The following MMS22L variants were observed in gnomAD, a reference collection of about 807,000 sequenced individuals.
MMS22L encodes the protein MMS22 like, DNA repair protein.
In MMS22L, 74 loss-of-function variants were observed where a neutral mutation model predicts 159.1. The observed-to-expected ratio is 0.47, with a 90% CI of 0.39 to 0.56. The LOEUF (loss-of-function observed/expected upper bound fraction) is 0.56. Ranked by LOEUF, MMS22L falls within the 20% of genes least tolerant of loss-of-function variation. MMS22L has a pLI of 0.00. For synonymous variants in MMS22L, 517 were observed against 506.9 expected, an observed-to-expected ratio of 1.02 and a Z score of -0.27; for missense variants, 1,351 against 1,422.1, an observed-to-expected ratio of 0.95 and a Z score of 0.80.
At position 97,142,637 on chromosome 6, in the gene MMS22L, C is replaced by T. The variant is rs1369526805; in HGVS notation, c.*4169G>A. 6.6e-6 allele frequency: 1 copy of T among 151,934 alleles called. No individual in the cohort carries two copies. Among genetic ancestry groups the T allele is most frequent in the African/African-American group, 2.4e-5 (1 of 41,394 alleles). The allele number at this position is 151,934 out of a possible 1,614,324, so 9.4% of individuals were successfully genotyped here. A position where few individuals can be genotyped will look rare whatever the true frequency, so the allele number is the denominator to read the frequency against. On this transcript the variant is annotated 3_prime_UTR_variant, in exon 25 of 25. Coordinates refer to ENST00000683635, the MANE Select transcript of MMS22L (RefSeq NM_001350599.2). Reference sequence around the variant, plus strand: ...TGGTGAGGTTTCTGTATCTATTTACCTTTTAGACATGGGGAGACATGAGTG... The same window carrying T: ...TGGTGAGGTTTCTGTATCTATTTACTTTTTAGACATGGGGAGACATGAGTG...
intron 15 of MMS22L, among the ~76,000 whole-genome samples, chr6:97,186,047 G>A (rs920958443): frequency 2.0e-5 from 3 of 151,956 alleles, no homozygotes; most frequent in Non-Finnish European, 4.4e-5. Context: ...GAATCTAGTA[G>A]AAGTCAGAAC....
upstream of MMS22L, among the ~76,000 whole-genome samples, chr6:97,283,777 C>T (rs1207298695): frequency 2.6e-5 from 4 of 152,166 alleles, no homozygotes; most frequent in Non-Finnish European, 4.4e-5. Context: ...GAAACATTCA[C>T]TAAGCGATAC....
At chr6:97,228,167 A>G (rs1046970311) in intron 14 of MMS22L, among the ~76,000 whole-genome samples, 3 of 152,202 alleles carry the variant, frequency 2.0e-5, no homozygotes, top group Non-Finnish European at 4.4e-5. Flanking sequence ...CACCTCAGAC[A>G]TGAGCTCATG....
intron 15 of MMS22L, among the ~76,000 whole-genome samples, chr6:97,185,281 C>T (rs1042951979): frequency 1.3e-5 from 2 of 152,116 alleles, no homozygotes; most frequent in African/African-American, 4.8e-5. Context: ...TGTCCTTCTT[C>T]TCCATTAGTA....
chr6:97,225,529 A>G (rs975750084), intron 14 of MMS22L, among the ~76,000 whole-genome samples: 1 of 150,542 alleles, frequency 6.6e-6, no homozygotes, highest in African/African-American at 2.5e-5. Context: ...TTGTATTTTT[A>G]GTAGTGACGG....
chr6:97,235,635 T>A (rs1054610814), intron 11 of MMS22L, among the ~76,000 whole-genome samples: 3 of 152,118 alleles, frequency 2.0e-5, no homozygotes, highest in Non-Finnish European at 4.4e-5. Context: ...ATAAGAACCC[T>A]TGGAAGAAAC....
chr6:97,281,240 A>C lies in MMS22L; in HGVS notation c.287T>G (p.Phe96Cys), dbSNP rs1383303796. ...GAAAGTTATAACGAAGAAATACCTGAATAAATGAAAGAGTTCTCTAGATGA... is the reference window on the plus strand; with the variant it reads ...GAAAGTTATAACGAAGAAATACCTGCATAAATGAAAGAGTTCTCTAGATGA... ...VNSSRELFHL[F>C]RQQLYNLETL... The change falls in exon 3 of 25, where the codon TTC becomes TGC. Residue 96 changes from phenylalanine to cysteine, a missense_variant. By Grantham distance (205) the Phe-to-Cys change is radical. Coordinates refer to ENST00000683635, the MANE Select transcript of MMS22L (RefSeq NM_001350599.2). The C allele has an allele frequency of 6.2e-7, 1 of 1,601,866 alleles. No individual in the cohort carries two copies. The highest frequency in any genetic ancestry group is 8.5e-7 in the Non-Finnish European group (1 of 1,177,050).
At chr6:97,243,397 T>C (rs1250154008) in intron 11 of MMS22L, among the ~76,000 whole-genome samples, 1 of 152,156 alleles carries the variant, frequency 6.6e-6, no homozygotes, top group East Asian at 1.9e-4. Context: ...GCATTTTGCA[T>C]TTCTCTAAAT....
At position 97,233,157 on chromosome 6, in the gene MMS22L, A is replaced by G. The variant is rs548315599; in HGVS notation, c.1302+704T>C. ...AATAAACCAGAATTAACTGTACATT[A>G]TCTTCAACCCTTCATAGCCTAGCCC... is the stretch of plus-strand genomic sequence containing the variant. On this transcript the variant is annotated intron_variant, in intron 12 of 24. Coordinates refer to ENST00000683635, the MANE Select transcript of MMS22L (RefSeq NM_001350599.2). Among the ~76,000 whole-genome samples, 104 of 152,080 alleles carry G rather than the reference A, an allele frequency of 6.8e-4. 1 individual carries two copies. The highest frequency in any genetic ancestry group is 2.4e-3 in the African/African-American group (100 of 41,516).
intron 18 of MMS22L, 94 bp from the exon 19 acceptor site, chr6:97,173,316 G>T: frequency 8.9e-7 from 1 of 1,129,246 alleles, no homozygotes; most frequent in Non-Finnish European, 1.3e-6. Context: ...TTCTACATAC[G>T]CACCCATACC....
chr6:97,271,609 T>C (rs566829515), intron 6 of MMS22L: 2 of 152,348 alleles, frequency 1.3e-5, no homozygotes, highest in African/African-American at 2.4e-5. Flanking sequence ...TTATTACATA[T>C]ATTGATCTCT....
chr6:97,247,596 G>A (rs1562503124), intron 10 of MMS22L, among the ~76,000 whole-genome samples: 1 of 152,074 alleles, frequency 6.6e-6, no homozygotes, highest in African/African-American at 2.4e-5. Flanking sequence ...GCGGGTGCCT[G>A]TATCCCAGCT....
At chr6:97,219,018 C>T (rs1197085840) in intron 14 of MMS22L, among the ~76,000 whole-genome samples, 2 of 152,162 alleles carry the variant, frequency 1.3e-5, no homozygotes, top group South Asian at 2.1e-4. Context: ...CATCAGATCT[C>T]GTGAGAACTC....
intron 10 of MMS22L, chr6:97,253,486 T>C (rs1412305260): frequency 6.9e-6 from 1 of 144,072 alleles, no homozygotes; most frequent in Non-Finnish European, 1.5e-5. Context: ...TTTTGGATGG[T>C]GTCTCACTCT....
At chr6:97,193,132 A>G (rs1806068854) in intron 14 of MMS22L, among the ~76,000 whole-genome samples, 1 of 152,250 alleles carries the variant, frequency 6.6e-6, no homozygotes, top group Non-Finnish European at 1.5e-5. Context: ...GTGATATACC[A>G]GATGCATACA....
rs1804780637 is a variant in MMS22L, at chr6:97,182,119, C to A, written c.2234-65G>T. 2.2e-6 allele frequency: 3 copies of A among 1,337,418 alleles called. No individual in the cohort carries two copies. The Admixed American group carries it at 7.2e-5, about 32-fold the overall frequency. 82.8% of individuals were successfully genotyped at this position (1,337,418 alleles called of 1,614,324 possible). ...TAAAAACCATTTCTGACCCACACAC[C>A]CCTGGCCAATTATAACAAGTGTTTT... On this transcript the variant is annotated intron_variant, in intron 15 of 24. Transcript: ENST00000683635.
intron 17 of MMS22L, among the ~76,000 whole-genome samples, chr6:97,179,098 T>C (rs1484277366): frequency 1.3e-5 from 2 of 152,116 alleles, no homozygotes; most frequent in African/African-American, 2.4e-5. Flanking sequence ...TTCTACTTTT[T>C]TCGTGATCAG....
At chr6:97,236,695 T>C (rs1231098852) in intron 11 of MMS22L, among the ~76,000 whole-genome samples, 1 of 152,168 alleles carries the variant, frequency 6.6e-6, no homozygotes, top group African/African-American at 2.4e-5. Context: ...CTCACACCTG[T>C]AATCCCAGCA....
chr6:97,178,635 A>C, intron 17 of MMS22L, 50 bp from the exon 18 acceptor site: 1 of 953,106 alleles, frequency 1.0e-6, no homozygotes, highest in South Asian at 2.1e-5. Flanking sequence ...AACATACTAT[A>C]TACATAACCA....
Sources: allele counts gnomAD v4.1 joint callset (sites outside exome capture counted in the v4.1 genomes callset), GRCh38; gene constraint gnomAD v4.1.1; transcripts MANE v1.5; gene names NCBI Gene and HGNC (gene_info 2026-07-23, HGNC 2026-07-21).